The following CDC20B variants were observed in gnomAD, a reference collection of about 807,000 sequenced individuals.
CDC20B encodes the protein cell division cycle 20B, also known as cell division cycle protein 20 homolog B.
In CDC20B, 58 loss-of-function variants were observed where a neutral mutation model predicts 64.1. The observed-to-expected ratio is 0.90, with a 90% CI of 0.73 to 1.13. CDC20B has a LOEUF of 1.13. Ranked by LOEUF, CDC20B falls within the 50% of genes most tolerant of loss-of-function variation. The pLI, the probability that CDC20B is intolerant of heterozygous loss-of-function variation, is 0.00. For synonymous variants in CDC20B, 243 were observed against 230.6 expected, an observed-to-expected ratio of 1.05 and a Z score of -0.49; for missense variants, 597 against 633.0, an observed-to-expected ratio of 0.94 and a Z score of 0.61.
chr5:55,136,211 G>A (rs375954474), intron 5 of CDC20B, among the ~76,000 whole-genome samples: 11 of 151,720 alleles, frequency 7.3e-5, no homozygotes, highest in African/African-American at 2.7e-4. Context: ...CTCCCAAAGT[G>A]CTGGGATTAT....
chr5:55,115,356 C>G (rs760183026), intron 11 of CDC20B, among the ~76,000 whole-genome samples: 1 of 152,176 alleles, frequency 6.6e-6, no homozygotes, highest in African/African-American at 2.4e-5. Context: ...TTCAGGATTT[C>G]TTCATTTTAG....
intron 2 of CDC20B, among the ~76,000 whole-genome samples, chr5:55,162,710 C>T (rs1202144939): frequency 6.6e-6 from 1 of 152,248 alleles, no homozygotes; most frequent in Non-Finnish European, 1.5e-5. Context: ...AAAGCCCAAG[C>T]ACATGCCATT....
Position 55,128,615 on chromosome 5 carries a change from G to C in CDC20B, c.700C>G (p.Leu234Val), listed in dbSNP as rs201881728. The change falls in exon 7 of 12, where the codon CTG (leucine) becomes GTG (valine). Residue 234 changes from leucine to valine, a missense_variant and splice_region_variant. Coordinates refer to ENST00000381375, the MANE Select transcript of CDC20B (RefSeq NM_001170402.1). ...HITGLRNDYY[L>V]NILDWSFQNL... is the part of the protein sequence containing the mutation. ...TGAAAACTCCAATCTAGGATATTCAGATCTATAAGAAAAGCACTTCAAATT... is the reference window on the plus strand; with the variant it reads ...TGAAAACTCCAATCTAGGATATTCACATCTATAAGAAAAGCACTTCAAATT... The C allele has an allele frequency of 3.4e-4, 520 of 1,543,280 alleles. No individual in the cohort carries two copies. Among genetic ancestry groups the C allele is most frequent in the Non-Finnish European group, 4.3e-4 (492 of 1,155,658 alleles).
chr5:55,127,458 T>G, intron 7 of CDC20B, 107 bp from the exon 8 acceptor site: 1 of 865,578 alleles, frequency 1.2e-6, no homozygotes, highest in Non-Finnish European at 1.9e-6. Flanking sequence ...GTTTTTGTAC[T>G]AAGTGAAAAC....
chr5:55,136,150 G>A (rs1052334358), intron 5 of CDC20B: 7 of 152,026 alleles, frequency 4.6e-5, no homozygotes, highest in Non-Finnish European at 1.0e-4. Flanking sequence ...GTTTCACTAT[G>A]TTGGCCAGGC....
intron 2 of CDC20B, chr5:55,160,114 C>T: frequency 3.8e-6 from 4 of 1,063,002 alleles, no homozygotes; most frequent in Non-Finnish European, 4.4e-6. Flanking sequence ...CCTGGTTTTC[C>T]GTTAAACTAA....
chr5:55,170,864 A>G (rs1000390144), intron 2 of CDC20B: 2 of 345,776 alleles, frequency 5.8e-6, no homozygotes, highest in Non-Finnish European at 1.2e-5. Flanking sequence ...TATTACTTCA[A>G]GACTATAAGA....
chr5:55,168,134 C>T (rs1353939223), intron 2 of CDC20B, among the ~76,000 whole-genome samples: 1 of 151,990 alleles, frequency 6.6e-6, no homozygotes, highest in Non-Finnish European at 1.5e-5. Context: ...GGCCTAGAAA[C>T]TAATCCACCA....
intron 2 of CDC20B, among the ~76,000 whole-genome samples, chr5:55,147,756 CA>C (rs1279398439): frequency 1.3e-5 from 2 of 152,044 alleles, no homozygotes; most frequent in African/African-American, 4.8e-5. Flanking sequence ...CATTACATAT[CA>C]GTGTAAAATA....
chr5:55,158,138 TAC>T (rs1397775048), intron 2 of CDC20B, among the ~76,000 whole-genome samples: 1 of 152,138 alleles, frequency 6.6e-6, no homozygotes, highest in African/African-American at 2.4e-5. Flanking sequence ...CCTGTAAAAG[TAC>T]AGATTCTGAC....
intron 2 of CDC20B, chr5:55,160,058 A>T: frequency 1.6e-6 from 1 of 632,116 alleles, no homozygotes; most frequent in Non-Finnish European, 2.8e-6. Context: ...CCCTCTGAGA[A>T]GTGGTCTTTC....
chr5:55,146,549 C>T, intron 3 of CDC20B, 79 bp downstream of exon 3: 1 of 1,032,114 alleles, frequency 9.7e-7, no homozygotes, highest in Admixed American at 2.0e-5. Flanking sequence ...CTCCTTAGTT[C>T]TACAAGACAA....
intron 5 of CDC20B, among the ~76,000 whole-genome samples, chr5:55,135,215 G>C (rs1256399628): frequency 6.6e-6 from 1 of 150,874 alleles, no homozygotes; most frequent in African/African-American, 2.5e-5. Flanking sequence ...ATAATAAAGT[G>C]TATGTGTGTG....
intron 6 of CDC20B, among the ~76,000 whole-genome samples, chr5:55,130,512 TG>T (rs1743003632): frequency 6.6e-6 from 1 of 152,120 alleles, no homozygotes; most frequent in Non-Finnish European, 1.5e-5. Context: ...TTTTAAATGC[TG>T]GGGGTAGGGG....
In CDC20B at chr5:55,113,720, G is replaced by A. The variant is rs999648343; in HGVS notation, c.*498C>T. The stretch of plus-strand genomic sequence containing the variant: ...AACTGATTTTTAGAGAGAGCAATAT[G>A]CATGCTTAACATACTGCCTAGCATA... On this transcript the variant is annotated 3_prime_UTR_variant, in exon 12 of 12. Transcript: ENST00000381375. The A allele has an allele frequency of 6.5e-6, 1 of 153,412 alleles. No homozygotes were observed. The highest frequency in any genetic ancestry group is 2.4e-5 in the African/African-American group (1 of 41,460). The allele number at this position is 153,412 out of a possible 1,614,324, so 9.5% of individuals were successfully genotyped here. A position where few individuals can be genotyped will look rare whatever the true frequency, so the allele number is the denominator to read the frequency against.
chr5:55,143,536 C>G lies in CDC20B; in HGVS notation c.463G>C (p.Glu155Gln). The G allele has an allele frequency of 1.9e-6, 3 of 1,603,950 alleles. No individual in the cohort carries two copies. Among genetic ancestry groups the G allele is most frequent in the Middle Eastern group, 1.7e-4 (1 of 6,032 alleles). Residue 155 changes from glutamate to glutamine, a missense_variant, in exon 4 of 12, where the codon GAA becomes CAA. Physicochemically the swap from Glu to Gln is conservative, Grantham distance 29. Coordinates refer to ENST00000381375, the MANE Select transcript of CDC20B (RefSeq NM_001170402.1). ...APHAMDRDWK[E>Q]SVASKGQKCL... ...ACCTGCCCTTTTGAGGCAACACTTT[C>G]TTTCCAGTCTCTGTCCATTGCATGA... is the stretch of plus-strand genomic sequence containing the variant.
intron 2 of CDC20B, among the ~76,000 whole-genome samples, chr5:55,159,872 C>T (rs1743941749): frequency 6.6e-6 from 1 of 152,158 alleles, no homozygotes; most frequent in Non-Finnish European, 1.5e-5. Context: ...AATGAGCCCT[C>T]CGTAGCTTTC....
intron 2 of CDC20B, 101 bp from the exon 3 acceptor site, chr5:55,146,957 C>G (rs1743501269): frequency 1.8e-6 from 1 of 561,854 alleles, no homozygotes; most frequent in Admixed American, 3.6e-5. Flanking sequence ...AGTACAACAC[C>G]AATAAAATAT....
intron 2 of CDC20B, among the ~76,000 whole-genome samples, chr5:55,158,695 T>G (rs951741328): frequency 1.3e-5 from 2 of 152,186 alleles, no homozygotes; most frequent in East Asian, 1.9e-4. Flanking sequence ...AATGGCATAA[T>G]GCCCCTTCAT....
Sources: allele counts gnomAD v4.1 joint callset (sites outside exome capture counted in the v4.1 genomes callset), GRCh38; gene constraint gnomAD v4.1.1; transcripts MANE v1.5; gene names NCBI Gene and HGNC (gene_info 2026-07-23, HGNC 2026-07-21).